PRKN: variants seen among roughly 807,000 people sequenced by gnomAD.
PRKN encodes the protein E3 ubiquitin-protein ligase parkin.
In PRKN, 56 loss-of-function variants were observed where a neutral mutation model predicts 59.5. The observed-to-expected ratio is 0.94, with a 90% CI of 0.76 to 1.18. The LOEUF (loss-of-function observed/expected upper bound fraction) is 1.18. Among genes scored for constraint, PRKN ranks in the 50% most tolerant of loss-of-function variants. The pLI is 0.00. For synonymous variants in PRKN, 250 were observed against 222.1 expected (o/e 1.13, Z -1.12); for missense variants, 657 against 596.4 (o/e 1.10, Z -1.06).
chr6:162,553,708 C>A (rs746324115), intron 1 of PRKN, among the ~76,000 whole-genome samples: 1 of 148,768 alleles, frequency 6.7e-6, no homozygotes, highest in Non-Finnish European at 1.5e-5. Context: ...AAGGCTGAGG[C>A]AGGAGAATCT....
At chr6:162,278,434 A>G (rs1780730415) in intron 2 of PRKN, among the ~76,000 whole-genome samples, 1 of 152,110 alleles carries the variant, frequency 6.6e-6, no homozygotes, top group East Asian at 1.9e-4. Flanking sequence ...TGTAAGCTAT[A>G]AATGTGAAGT....
intron 7 of PRKN, among the ~76,000 whole-genome samples, chr6:161,772,187 C>T (rs899492284): frequency 6.6e-6 from 1 of 152,060 alleles, no homozygotes; most frequent in Non-Finnish European, 1.5e-5. Context: ...AACCTGTCTG[C>T]ACCAGGAATA....
At chr6:161,896,156 T>C (rs1243988328) in intron 6 of PRKN, among the ~76,000 whole-genome samples, 3 of 152,192 alleles carry the variant, frequency 2.0e-5, no homozygotes, top group African/African-American at 7.2e-5. Flanking sequence ...TACATTTATG[T>C]GTAGAAAGGA....
At chr6:162,445,330 T>C (rs1325010971) in intron 1 of PRKN, among the ~76,000 whole-genome samples, 2 of 152,120 alleles carry the variant, frequency 1.3e-5, no homozygotes, top group Non-Finnish European at 2.9e-5. Flanking sequence ...TTCAAATTTA[T>C]TTCAATCTAA....
At chr6:162,320,898 T>G (rs949292072) in intron 2 of PRKN, among the ~76,000 whole-genome samples, 1 of 150,178 alleles carries the variant, frequency 6.7e-6, no homozygotes, top group Admixed American at 6.6e-5. Context: ...TAAAGCAATA[T>G]GCAAAGAAAA....
At chr6:162,240,863 G>A (rs974436701) in intron 3 of PRKN, among the ~76,000 whole-genome samples, 1 of 152,122 alleles carries the variant, frequency 6.6e-6, no homozygotes, top group Non-Finnish European at 1.5e-5. Flanking sequence ...CATATATGAT[G>A]AGTTTTCACT....
intron 5 of PRKN, among the ~76,000 whole-genome samples, chr6:162,026,591 T>A (rs34706458): frequency 0.064 from 9,785 of 152,340 alleles, 425 homozygotes; most frequent in South Asian, 0.17. Flanking sequence ...GAAGCTATAT[T>A]ACTTAGAAAA....
intron 1 of PRKN, among the ~76,000 whole-genome samples, chr6:162,604,115 C>A (rs1781812308): frequency 6.6e-6 from 1 of 152,160 alleles, no homozygotes; most frequent in African/African-American, 2.4e-5. Context: ...AGCAATTGCA[C>A]CTGTCTGACC....
chr6:162,454,328 A>G (rs781379620), intron 1 of PRKN, among the ~76,000 whole-genome samples: 1 of 152,192 alleles, frequency 6.6e-6, no homozygotes, highest in Non-Finnish European at 1.5e-5. Context: ...TTTATAGTAA[A>G]TTGTAATTGG....
At chr6:162,663,409 A>C (rs1438246802) in intron 1 of PRKN, among the ~76,000 whole-genome samples, 2 of 142,906 alleles carry the variant, frequency 1.4e-5, no homozygotes, top group Non-Finnish European at 3.0e-5. Flanking sequence ...CTGAACAGGA[A>C]AAAAAAAAAA....
intron 6 of PRKN, among the ~76,000 whole-genome samples, chr6:161,874,854 AAT>A (rs1794632009): frequency 1.9e-5 from 1 of 52,350 alleles, no homozygotes; most frequent in African/African-American, 7.8e-5. Context: ...AAATATATAA[AAT>A]ATATATAAAA....
At chr6:161,732,144 T>C (rs992926682) in intron 7 of PRKN, among the ~76,000 whole-genome samples, 17 of 151,682 alleles carry the variant, frequency 1.1e-4, no homozygotes, top group African/African-American at 4.1e-4. Context: ...TGGAGTGTAA[T>C]GGTGCAATCT....
intron 5 of PRKN, among the ~76,000 whole-genome samples, chr6:161,988,027 C>T (rs1781498289): frequency 6.6e-6 from 1 of 152,240 alleles, no homozygotes; most frequent in East Asian, 1.9e-4. Context: ...GAACAATTCT[C>T]AGGCGATGGC....
In PRKN at chr6:161,732,224, T is replaced by A. The variant is rs1229389546; in HGVS notation, c.871+53548A>T. Among the ~76,000 whole-genome samples, 3 of 152,072 alleles carry A rather than the reference T, an allele frequency of 2.0e-5. No individual in the cohort carries two copies. In the East Asian group the frequency reaches 5.8e-4, roughly 29 times the overall value. ...GCCTCAGCTCCCTGAGTAGCTGGGA[T>A]TACAGGTGTGTGCCACCATGCCTGG... On this transcript the variant is annotated intron_variant, in intron 7 of 11. Coordinates refer to ENST00000366898, the MANE Select transcript of PRKN (RefSeq NM_004562.3).
chr6:161,671,362 C>T (rs760682027), intron 7 of PRKN, among the ~76,000 whole-genome samples: 54 of 152,170 alleles, frequency 3.5e-4, no homozygotes, highest in Admixed American at 1.7e-3. Context: ...TGAAATAAGA[C>T]GGGCTCAGAC....
chr6:161,425,448 A>G (rs1788298916), intron 9 of PRKN, among the ~76,000 whole-genome samples: 1 of 152,168 alleles, frequency 6.6e-6, no homozygotes, highest in Admixed American at 6.5e-5. Flanking sequence ...AAGAGTCTCC[A>G]TTGACTTATT....
chr6:161,587,665 A>C (rs1781567965), intron 7 of PRKN, among the ~76,000 whole-genome samples: 2 of 152,254 alleles, frequency 1.3e-5, no homozygotes, highest in Admixed American at 1.3e-4. Flanking sequence ...TATTTCTATA[A>C]GTTTTTGGGA....
At chr6:162,335,983 C>T (rs1773657142) in intron 2 of PRKN, among the ~76,000 whole-genome samples, 1 of 151,474 alleles carries the variant, frequency 6.6e-6, no homozygotes, top group South Asian at 2.1e-4. Context: ...TGCCACACAC[C>T]TTGGCTTTCT....
At chr6:162,116,053 A>G (rs996754384) in intron 4 of PRKN, among the ~76,000 whole-genome samples, 2 of 152,220 alleles carry the variant, frequency 1.3e-5, no homozygotes, top group African/African-American at 4.8e-5. Flanking sequence ...CAGAAGAATA[A>G]GAATCCCTCC....
Sources: allele counts gnomAD v4.1 joint callset (sites outside exome capture counted in the v4.1 genomes callset), GRCh38; gene constraint gnomAD v4.1.1; transcripts MANE v1.5; gene names NCBI Gene and HGNC (gene_info 2026-07-23, HGNC 2026-07-21).